The following CCDC91 variants were observed in gnomAD, a reference collection of about 807,000 sequenced individuals.
CCDC91 encodes coiled-coil domain containing 91.
A neutral mutation model predicts 63.2 loss-of-function variants in CCDC91; 48 were observed. That is an observed-to-expected ratio of 0.76 (90% CI 0.60 to 0.97). CCDC91 has a LOEUF of 0.97. Ranked by LOEUF, CCDC91 falls within the 50% of genes least tolerant of loss-of-function variation. The probability of loss-of-function intolerance (pLI) is 0.00; values close to 1 mark genes in which losing one functional copy is unlikely to be tolerated. For missense variants in CCDC91, 500 were observed against 494.6 expected (o/e 1.01, Z -0.10); for synonymous variants, 167 against 165.8 (o/e 1.01, Z -0.06).
intron 11 of CCDC91, among the ~76,000 whole-genome samples, chr12:28,452,860 C>G (rs1174976787): frequency 6.6e-6 from 1 of 151,512 alleles, no homozygotes; most frequent in Non-Finnish European, 1.5e-5. Context: ...ATATTGAAAA[C>G]TTAGTAACTG....
intron 8 of CCDC91, among the ~76,000 whole-genome samples, chr12:28,431,040 A>G (rs1948598743): frequency 6.6e-6 from 1 of 152,172 alleles, no homozygotes; most frequent in South Asian, 2.1e-4. Flanking sequence ...TGCAAGTATG[A>G]CATTTTTAAT....
chr12:28,232,973 CA>C (rs35495535), intron 1 of CCDC91, among the ~76,000 whole-genome samples: 6,646 of 87,510 alleles, frequency 0.076, 358 homozygotes, highest in African/African-American at 0.22. Flanking sequence ...ACTCTATCTC[CA>C]AAAAAAAAAA....
intron 3 of CCDC91, among the ~76,000 whole-genome samples, chr12:28,289,685 C>CTTTTCT (rs1216296278): frequency 2.0e-5 from 2 of 98,540 alleles, no homozygotes; most frequent in Non-Finnish European, 3.6e-5. Flanking sequence ...CTTTTCTTTT[C>CTTTTCT]TTTTTTTTTT....
intron 3 of CCDC91, 77 bp downstream of exon 3, chr12:28,259,519 T>C (rs1946683734): frequency 2.3e-6 from 2 of 876,662 alleles, no homozygotes; most frequent in South Asian, 1.5e-5. Flanking sequence ...TGAAACCCTA[T>C]TTCTCAACTT....
chr12:28,261,234 T>C (rs1946804366), intron 3 of CCDC91, among the ~76,000 whole-genome samples: 1 of 151,970 alleles, frequency 6.6e-6, no homozygotes, highest in Non-Finnish European at 1.5e-5. Flanking sequence ...ACATGTATAA[T>C]ATATTTAAGG....
At chr12:28,342,867 A>C (rs1010132694) in intron 6 of CCDC91, among the ~76,000 whole-genome samples, 1 of 152,074 alleles carries the variant, frequency 6.6e-6, no homozygotes, top group African/African-American at 2.4e-5. Flanking sequence ...AGAGTTGAGG[A>C]GATATTGGAG....
chr12:28,267,771 ATAT>A (rs1297617574), intron 3 of CCDC91, among the ~76,000 whole-genome samples: 1 of 62,308 alleles, frequency 1.6e-5, no homozygotes, highest in East Asian at 4.2e-4. Flanking sequence ...ATATATAATT[ATAT>A]TATTAATATA....
At chr12:28,473,470 A>G (rs570788336) in intron 11 of CCDC91, among the ~76,000 whole-genome samples, 93 of 152,300 alleles carry the variant, frequency 6.1e-4, no homozygotes, top group African/African-American at 2.1e-3. Flanking sequence ...CAAATTTTAG[A>G]TATTTGTTCA....
chr12:28,535,279 A>G (rs1942061156), intron 12 of CCDC91, among the ~76,000 whole-genome samples: 1 of 152,206 alleles, frequency 6.6e-6, no homozygotes, highest in South Asian at 2.1e-4. Context: ...GGGCATAATG[A>G]TATCTATATA....
At chr12:28,341,894 T>C (rs1326687982) in intron 6 of CCDC91, among the ~76,000 whole-genome samples, 2 of 152,170 alleles carry the variant, frequency 1.3e-5, no homozygotes, top group Non-Finnish European at 2.9e-5. Flanking sequence ...GAAAAGACTG[T>C]TGTGTAGATG....
chr12:28,492,064 T>A (rs1952041996), intron 12 of CCDC91, among the ~76,000 whole-genome samples: 1 of 151,778 alleles, frequency 6.6e-6, no homozygotes, highest in African/African-American at 2.4e-5. Flanking sequence ...CCCATGCTAT[T>A]AAACTGTTTA....
At chr12:28,341,460 G>A (rs556067911) in intron 6 of CCDC91, among the ~76,000 whole-genome samples, 1 of 152,218 alleles carries the variant, frequency 6.6e-6, no homozygotes, top group African/African-American at 2.4e-5. Flanking sequence ...CTTTTGTGAT[G>A]ACATTAAACT....
chr12:28,266,811 A>G (rs979159119), intron 3 of CCDC91, among the ~76,000 whole-genome samples: 1 of 151,918 alleles, frequency 6.6e-6, no homozygotes, highest in African/African-American at 2.4e-5. Context: ...AGGTTTGGCA[A>G]TGAGTATTTT....
chr12:28,376,920 A>G (rs1565881177), intron 7 of CCDC91, among the ~76,000 whole-genome samples: 1 of 151,814 alleles, frequency 6.6e-6, no homozygotes, highest in Admixed American at 6.6e-5. Flanking sequence ...TCCTGCTAAC[A>G]TGGTACAATA....
intron 8 of CCDC91, among the ~76,000 whole-genome samples, chr12:28,438,679 C>G (rs1592675938): frequency 6.6e-6 from 1 of 152,224 alleles, no homozygotes; most frequent in South Asian, 2.1e-4. Context: ...GATTTTTCAA[C>G]TTTCTGATGT....
intron 3 of CCDC91, among the ~76,000 whole-genome samples, chr12:28,293,605 A>G (rs768244703): frequency 6.6e-6 from 1 of 152,204 alleles, no homozygotes; most frequent in South Asian, 2.1e-4. Flanking sequence ...GTTGGTATCA[A>G]TTAAATATAT....
In CCDC91 at chr12:28,201,002, C is replaced by T. The variant is rs1489582620; in HGVS notation, c.-15+10361C>T. On this transcript the variant is annotated intron_variant, in intron 1 of 12. Coordinates refer to ENST00000536442, the MANE Select transcript of CCDC91 (RefSeq NM_018318.5). Reference sequence around the variant, plus strand: ...ACGGGGCGGCTGGCCGGGCGGGGGGCTGACCCCCCCACCTCCCTCCCGGAT... The same window carrying T: ...ACGGGGCGGCTGGCCGGGCGGGGGGTTGACCCCCCCACCTCCCTCCCGGAT... 3.1e-4 allele frequency among the ~76,000 whole-genome samples: 39 copies of T among 125,658 alleles called. 2 individuals are homozygous for T. The South Asian group carries it at 7.5e-3, about 24-fold the overall frequency. The allele number at this position is 125,658 out of a possible 152,430, so 82.4% of individuals were successfully genotyped here.
chr12:28,215,727 C>T (rs1436007520), intron 1 of CCDC91, among the ~76,000 whole-genome samples: 2 of 152,038 alleles, frequency 1.3e-5, no homozygotes, highest in Non-Finnish European at 2.9e-5. Flanking sequence ...GAAAGCCAGA[C>T]ATAGACAGAA....
At chr12:28,307,012 T>G (rs1176002592) in intron 5 of CCDC91, 67 bp downstream of exon 5, 16 of 1,092,966 alleles carry the variant, frequency 1.5e-5, no homozygotes. Context: ...AATCTCAAAC[T>G]CTGATTAAAA....
Sources: gnomAD v4.1 joint callset for allele counts (sites outside exome capture counted in the v4.1 genomes callset) on GRCh38, gnomAD v4.1.1 for gene constraint, MANE v1.5 for transcripts, NCBI Gene and HGNC (gene_info 2026-07-23, HGNC 2026-07-21) for gene names.